The following SYT15 variants were observed in gnomAD, a reference collection of about 807,000 sequenced individuals.
The protein encoded by SYT15 is synaptotagmin 15.
SYT15 carries 4 observed loss-of-function variants against 30.1 expected under a neutral mutation model. That is an observed-to-expected ratio of 0.13 (90% CI 0.07 to 0.30). SYT15 has a LOEUF of 0.30. Ranked by LOEUF, SYT15 falls within the 10% of genes least tolerant of loss-of-function variation. The pLI is 1.00. For synonymous variants in SYT15, 19 were observed against 166.3 expected (o/e 0.11, Z 6.82); for missense variants, 49 against 371.7 (o/e 0.13, Z 7.14).
downstream of SYT15, among the ~76,000 whole-genome samples, chr10:46,595,624 ATTT>A: frequency 7.3e-6 from 1 of 137,822 alleles, no homozygotes; most frequent in South Asian, 2.4e-4. Context: ...CTAATTTTGT[ATTT>A]TTTAGTAGAA....
chr10:46,580,680 C>CTGTGTGTG (rs10588659), intron 2 of SYT15, among the ~76,000 whole-genome samples: 46 of 125,436 alleles, frequency 3.7e-4, no homozygotes, highest in African/African-American at 1.4e-3. Context: ...AATCCCACTG[C>CTGTGTGTG]TGTGTGTGTG....
rs1845419808 is a variant in SYT15 at position 46,591,368 on chromosome 10, ATAAG to A, written c.*3725_*3728del. ...GCGAGACTCTGTCTCCAAAAATAAA[ATAAG>A]TAAATAAATAAATAAATAAAATTTA... On this transcript the variant is annotated 3_prime_UTR_variant, in exon 8 of 8. Transcript: ENST00000374321. The A allele has an allele frequency of 1.4e-5, 1 of 71,268 alleles. No homozygotes were observed. Among genetic ancestry groups the A allele is most frequent in the Non-Finnish European group, 2.6e-5 (1 of 37,958 alleles). 4.4% of individuals were successfully genotyped at this position (71,268 alleles called of 1,614,324 possible).
At position 46,580,869 on chromosome 10, in the gene SYT15, A is replaced by G; in HGVS notation, c.213-25A>G. On this transcript the variant is annotated intron_variant, in intron 2 of 7. Coordinates refer to ENST00000374321, the MANE Select transcript of SYT15 (RefSeq NM_031912.5). Reference sequence around the variant, plus strand: ...ACCACACCATTGACTTGCCACCTACATGTTGTCTCCCTGACTCTGGACAGG... The same window carrying G: ...ACCACACCATTGACTTGCCACCTACGTGTTGTCTCCCTGACTCTGGACAGG... 6.2e-6 allele frequency: 9 copies of G among 1,451,358 alleles called. 1 individual carries two copies. The highest frequency in any genetic ancestry group is 5.6e-5 in the South Asian group (4 of 71,010). The allele number at this position is 1,451,358 out of a possible 1,614,324, so 89.9% of individuals were successfully genotyped here.
At chr10:46,586,374 G>A (rs1465741625) in intron 7 of SYT15, among the ~76,000 whole-genome samples, 12 of 128,234 alleles carry the variant, frequency 9.4e-5, no homozygotes, top group African/African-American at 2.1e-4. Flanking sequence ...GTGAAACCAC[G>A]TCTCTACTAA....
chr10:46,593,936 T>C (rs1236315627), downstream of SYT15: 1 of 139,284 alleles, frequency 7.2e-6, no homozygotes, highest in Non-Finnish European at 1.5e-5. Context: ...AAGTAGTTAA[T>C]TTCAATTATT....
At chr10:46,584,789 C>T (rs375288826) in intron 6 of SYT15, among the ~76,000 whole-genome samples, 174 bp downstream of exon 6, 2,197 of 146,712 alleles carry the variant, frequency 0.015, no homozygotes, top group African/African-American at 0.019. Flanking sequence ...GTGCAGGAAG[C>T]CTCTTCCTGT....
chr10:46,586,467 G>A (rs1446843359), intron 7 of SYT15, among the ~76,000 whole-genome samples: 1 of 84,226 alleles, frequency 1.2e-5, no homozygotes, highest in Non-Finnish European at 2.2e-5. Context: ...AATGGCATGA[G>A]CCTGGGAGGC....
chr10:46,591,053 CATAAAATAAA>C lies in SYT15; in HGVS notation c.*3419_*3428del, dbSNP rs1391063875. The C allele has an allele frequency of 7.4e-6, 1 of 135,460 alleles. No homozygotes were observed. Among genetic ancestry groups the C allele is most frequent in the Non-Finnish European group, 1.6e-5 (1 of 64,046 alleles). 8.4% of individuals were successfully genotyped at this position (135,460 alleles called of 1,614,324 possible). ...TTAGATTTATTAGAGGGAGCATGGC[CATAAAATAAA>C]ATAAAATAAAATTTAGATTTAAGTC... On this transcript the variant is annotated 3_prime_UTR_variant, in exon 8 of 8. Coordinates refer to ENST00000374321, the MANE Select transcript of SYT15 (RefSeq NM_031912.5).
At chr10:46,586,850 AAAAAAG>A (rs367758250) in intron 7 of SYT15, among the ~76,000 whole-genome samples, 13,048 of 51,258 alleles carry the variant, frequency 0.25, 2,600 homozygotes, top group Non-Finnish European at 0.36. Flanking sequence ...TCAAAAAAAA[AAAAAAG>A]AAAAGAAAAG....
chr10:46,597,038 AG>A (rs1461946254), downstream of SYT15, among the ~76,000 whole-genome samples: 1 of 142,714 alleles, frequency 7.0e-6, no homozygotes, highest in Non-Finnish European at 1.5e-5. Context: ...GGCAGGGAGG[AG>A]TGACCTGCAG....
downstream of SYT15, among the ~76,000 whole-genome samples, chr10:46,595,369 G>A (rs1463768022): frequency 6.6e-6 from 1 of 152,172 alleles, no homozygotes; most frequent in Admixed American, 6.5e-5. Context: ...AGGCTGGAGT[G>A]CAATGGCGTG....
chr10:46,580,200 GGCT>G lies in SYT15; in HGVS notation c.58_60del (p.Leu21del), dbSNP rs368995487. On this transcript the variant is annotated inframe_deletion, in exon 2 of 8. Coordinates refer to ENST00000374321, the MANE Select transcript of SYT15 (RefSeq NM_031912.5). ...CTGGTGATTGGGGGCACCATCGGGG[GGCT>G]GCTGCTGCTGCTGTTGATCGGGGCA... The G allele has an allele frequency of 5.4e-4, 635 of 1,165,346 alleles. No individual in the cohort carries two copies. Among genetic ancestry groups the G allele is most frequent in the South Asian group, 7.6e-4 (49 of 64,564 alleles). 72.2% of individuals were successfully genotyped at this position (1,165,346 alleles called of 1,614,324 possible). A position where few individuals can be genotyped will look rare whatever the true frequency, so the allele number is the denominator to read the frequency against.
chr10:46,592,437 T>G (rs1478840060), downstream of SYT15, among the ~76,000 whole-genome samples: 27 of 142,228 alleles, frequency 1.9e-4, 2 homozygotes, highest in Admixed American at 9.8e-4. Flanking sequence ...ATTCACTCTG[T>G]TTTTTTTTAT....
At chr10:46,584,805 AC>A (rs1844699386) in intron 6 of SYT15, among the ~76,000 whole-genome samples, 190 bp downstream of exon 6, 1 of 148,962 alleles carries the variant, frequency 6.7e-6, no homozygotes, top group East Asian at 2.0e-4. Flanking sequence ...CCTGTGTTGA[AC>A]CCAAAGCTGC....
At chr10:46,580,677 C>A (rs1555036224) in intron 2 of SYT15, among the ~76,000 whole-genome samples, 1 of 115,872 alleles carries the variant, frequency 8.6e-6, no homozygotes, top group Non-Finnish European at 1.7e-5. Flanking sequence ...TCAAATCCCA[C>A]TGCTGTGTGT....
rs1845179363 is a variant in SYT15, at chr10:46,588,237, CG to C, written c.*594del. ...GCCTCCCCGAGCATTAGGTCCTCCACGGGGCTGTGTCAAATGCCCTCCCACA... is the reference window on the plus strand; with the variant it reads ...GCCTCCCCGAGCATTAGGTCCTCCACGGGCTGTGTCAAATGCCCTCCCACA... On this transcript the variant is annotated 3_prime_UTR_variant, in exon 8 of 8. Transcript: ENST00000374321. The C allele has an allele frequency of 2.0e-6, 2 of 985,836 alleles. No individual in the cohort carries two copies. Among genetic ancestry groups the C allele is most frequent in the East Asian group, 1.1e-4 (1 of 8,842 alleles). The allele number at this position is 985,836 out of a possible 1,614,324, so 61.1% of individuals were successfully genotyped here.
rs1362981665 is a variant in SYT15, at chr10:46,580,701, T to TGTGTGTGTGTGC, written c.213-182_213-181insCGTGTGTGTGTG. 2.2e-5 allele frequency among the ~76,000 whole-genome samples: 3 copies of TGTGTGTGTGTGC among 138,432 alleles called. 1 individual carries two copies. The highest frequency in any genetic ancestry group is 9.0e-5 in the African/African-American group (3 of 33,248). 90.8% of individuals were successfully genotyped at this position (138,432 alleles called of 152,430 possible). A position where few individuals can be genotyped will look rare whatever the true frequency, so the allele number is the denominator to read the frequency against. ...ACTGCTGTGTGTGTGTGTGTGTGTG[T>TGTGTGTGTGTGC]GTGTGTGTGTGTGTGTGCGTGTGTG... On this transcript the variant is annotated intron_variant, in intron 2 of 7. Coordinates refer to ENST00000374321, the MANE Select transcript of SYT15 (RefSeq NM_031912.5).
chr10:46,580,680 C>CTGTGTGTGTGTG (rs10588659), intron 2 of SYT15, among the ~76,000 whole-genome samples: 2 of 125,354 alleles, frequency 1.6e-5, no homozygotes, highest in African/African-American at 6.9e-5. Context: ...AATCCCACTG[C>CTGTGTGTGTGTG]TGTGTGTGTG....
intron 7 of SYT15, among the ~76,000 whole-genome samples, chr10:46,586,223 C>T (rs181775233): frequency 1.5e-4 from 3 of 20,504 alleles, no homozygotes; most frequent in Admixed American, 1.6e-3. Flanking sequence ...ACCCAGGAGG[C>T]GAGGCTGCTG....
Sources: allele counts gnomAD v4.1 joint callset (sites outside exome capture counted in the v4.1 genomes callset), GRCh38; gene constraint gnomAD v4.1.1; transcripts MANE v1.5; gene names NCBI Gene and HGNC (gene_info 2026-07-23, HGNC 2026-07-21).